The following DNAH7 variants were observed in gnomAD, a reference collection of about 807,000 sequenced individuals.
DNAH7 encodes the protein dynein axonemal heavy chain 7.
In DNAH7, 397 loss-of-function variants were observed where a neutral mutation model predicts 444.6. That is an observed-to-expected ratio of 0.89 (90% confidence interval 0.82 to 0.97). DNAH7 has a LOEUF of 0.97. Ranked by LOEUF, DNAH7 falls within the 50% of genes least tolerant of loss-of-function variation. The probability of loss-of-function intolerance (pLI) is 0.00; values close to 1 mark genes in which losing one functional copy is unlikely to be tolerated. For missense variants in DNAH7, 4,902 were observed against 4,800.8 expected, an observed-to-expected ratio of 1.02 and a Z score of -0.62; for synonymous variants, 1,636 against 1,624.4, an observed-to-expected ratio of 1.01 and a Z score of -0.17.
chr2:195,880,964 A>G (rs956085970), intron 36 of DNAH7, among the ~76,000 whole-genome samples: 1 of 151,660 alleles, frequency 6.6e-6, no homozygotes, highest in Admixed American at 6.6e-5. Context: ...GATATCTTAG[A>G]TAAATCTCTC....
chr2:195,813,187 A>G (rs937239153), intron 51 of DNAH7, among the ~76,000 whole-genome samples: 20 of 152,218 alleles, frequency 1.3e-4, no homozygotes, highest in African/African-American at 4.6e-4. Flanking sequence ...TATCCTCAAC[A>G]GTAGAATGGA....
intron 54 of DNAH7, among the ~76,000 whole-genome samples, chr2:195,805,373 G>A (rs983313522): frequency 2.6e-5 from 4 of 152,042 alleles, no homozygotes; most frequent in African/African-American, 7.2e-5. Flanking sequence ...TGTTTTAGAG[G>A]AGGAAGCCAC....
chr2:196,036,514 C>G (rs1696401546), intron 5 of DNAH7, among the ~76,000 whole-genome samples: 1 of 152,164 alleles, frequency 6.6e-6, no homozygotes, highest in Admixed American at 6.5e-5. Flanking sequence ...GTATTGGGAA[C>G]CAAAGTGTGT....
At chr2:195,787,897 C>G (rs1446906241) in intron 57 of DNAH7, among the ~76,000 whole-genome samples, 1 of 152,022 alleles carries the variant, frequency 6.6e-6, no homozygotes, top group South Asian at 2.1e-4. Context: ...AGAATGGGAG[C>G]TGGGGGTCAT....
At chr2:195,800,154 AT>A (rs1316505254) in intron 54 of DNAH7, among the ~76,000 whole-genome samples, 1 of 152,128 alleles carries the variant, frequency 6.6e-6, no homozygotes, top group East Asian at 1.9e-4. Flanking sequence ...ACACCAAGCC[AT>A]TTATAAGGGA....
chr2:195,923,737 A>T lies in DNAH7; in HGVS notation c.3683T>A (p.Leu1228Ter). The change falls in exon 23 of 65, where the codon TTG becomes TAG. Residue 1228 changes from leucine (L) to a stop codon, truncating the protein, a stop_gained. Coordinates refer to ENST00000312428, the MANE Select transcript of DNAH7 (RefSeq NM_018897.3). LOFTEE classifies it high-confidence loss of function. ...CAGAGTTACGCGATTCTGCATGGAC[A>T]ATTTGCCACGCACCAAAGTGACAAT... ...DDIVTLVRGK[L>*]SMQNRVTLGA... 6.2e-7 allele frequency: 1 copy of T among 1,614,150 alleles called. No homozygotes were observed. The highest frequency in any genetic ancestry group is 8.5e-7 in the Non-Finnish European group (1 of 1,180,020).
intron 46 of DNAH7, among the ~76,000 whole-genome samples, chr2:195,845,460 A>C (rs1314719522): frequency 6.6e-6 from 1 of 152,232 alleles, no homozygotes; most frequent in East Asian, 1.9e-4. Flanking sequence ...TTCATTTTCA[A>C]GGCTACTCCT....
intron 12 of DNAH7, chr2:195,999,031 G>A (rs1170778952): frequency 1.4e-6 from 1 of 701,188 alleles, no homozygotes; most frequent in Non-Finnish European, 2.7e-6. Flanking sequence ...TTCCGGCAAG[G>A]TGGATGCATG....
intron 47 of DNAH7, among the ~76,000 whole-genome samples, chr2:195,844,393 C>T (rs559023784): frequency 1.3e-5 from 2 of 152,264 alleles, no homozygotes; most frequent in South Asian, 2.1e-4. Flanking sequence ...GGAAATAATA[C>T]AAGATTGTCC....
At chr2:195,920,640 C>G (rs1687965069) in intron 24 of DNAH7, among the ~76,000 whole-genome samples, 1 of 152,142 alleles carries the variant, frequency 6.6e-6, no homozygotes, top group Admixed American at 6.5e-5. Context: ...TGGAAAAATC[C>G]TTCTAGACAT....
At chr2:195,845,649 A>G (rs151274265) in intron 46 of DNAH7, among the ~76,000 whole-genome samples, 51 of 152,344 alleles carry the variant, frequency 3.3e-4, no homozygotes, top group African/African-American at 1.2e-3. Flanking sequence ...ACAGCATGAT[A>G]CTGGTGCAAA....
chr2:195,834,376 A>G lies in DNAH7; in HGVS notation c.8946-16T>C, dbSNP rs1698226467. ...TCTTGCATTCCTGAAAAGGAGGAGA[A>G]AGACGATGCTGGTCAAGCCATGATT... On this transcript the variant is annotated splice_polypyrimidine_tract_variant and intron_variant, in intron 47 of 64. Coordinates refer to ENST00000312428, the MANE Select transcript of DNAH7 (RefSeq NM_018897.3). 6.3e-7 allele frequency: 1 copy of G among 1,582,214 alleles called. No individual in the cohort carries two copies. Among genetic ancestry groups the G allele is most frequent in the Admixed American group, 1.7e-5 (1 of 59,392 alleles).
In DNAH7 at chr2:195,809,768, T is replaced by C; in HGVS notation, c.9865A>G (p.Asn3289Asp). The change falls in exon 52 of 65, where the codon AAT becomes GAT. Residue 3289 changes from asparagine to aspartate, a missense_variant. Asn to Asp is a conservative substitution (Grantham distance 23). Coordinates refer to ENST00000312428, the MANE Select transcript of DNAH7 (RefSeq NM_018897.3). ...KLLFSFCLTI[N>D]LLLHERAINK... Reference sequence around the variant, plus strand: ...ACCGCCCGCTCATGCAGCAGTAGATTTATGGTTAGACAAAAGGAAAAGAGC... The same window carrying C: ...ACCGCCCGCTCATGCAGCAGTAGATCTATGGTTAGACAAAAGGAAAAGAGC... 2 of 1,597,314 alleles carry C rather than the reference T, an allele frequency of 1.3e-6. No individual in the cohort carries two copies. Among genetic ancestry groups the C allele is most frequent in the Non-Finnish European group, 8.5e-7 (1 of 1,171,412 alleles).
intron 36 of DNAH7, among the ~76,000 whole-genome samples, chr2:195,877,822 C>A (rs911112850): frequency 1.3e-5 from 2 of 152,144 alleles, no homozygotes; most frequent in African/African-American, 4.8e-5. Flanking sequence ...AATTATTTTC[C>A]TTTCACAGAA....
chr2:195,856,532 T>G (rs1196083984), intron 44 of DNAH7, among the ~76,000 whole-genome samples: 1 of 152,194 alleles, frequency 6.6e-6, no homozygotes, highest in Non-Finnish European at 1.5e-5. Flanking sequence ...ACTAATATCA[T>G]GGTCTGAAAC....
intron 9 of DNAH7, among the ~76,000 whole-genome samples, chr2:196,018,423 C>T (rs1347537832): frequency 6.6e-6 from 1 of 152,018 alleles, no homozygotes; most frequent in Non-Finnish European, 1.5e-5. Context: ...TTTTGTGAAT[C>T]TATCCCATGT....
chr2:195,786,993 T>C lies in DNAH7; in HGVS notation c.10878+17A>G. 1.3e-6 allele frequency: 2 copies of C among 1,553,678 alleles called. No individual in the cohort carries two copies. Among genetic ancestry groups the C allele is most frequent in the African/African-American group, 1.4e-5 (1 of 72,446 alleles). ...AGAGCAACATAGGTAATGTCCTTGCTGTGATTTTTATGATACCTCATACTG... is the reference window on the plus strand; with the variant it reads ...AGAGCAACATAGGTAATGTCCTTGCCGTGATTTTTATGATACCTCATACTG... On this transcript the variant is annotated intron_variant, in intron 58 of 64. Coordinates refer to ENST00000312428, the MANE Select transcript of DNAH7 (RefSeq NM_018897.3).
In DNAH7 at chr2:195,957,463, C is replaced by A; in HGVS notation, c.2892-16G>T. ...CTCCCATTCTCTGAGGAGCAAAACA[C>A]AGTGGCTCTTACTGACAGCAAACCA... On this transcript the variant is annotated splice_polypyrimidine_tract_variant and intron_variant, in intron 18 of 64. Transcript: ENST00000312428. The A allele has an allele frequency of 6.7e-7, 1 of 1,499,266 alleles. No individual in the cohort carries two copies. The highest frequency in any genetic ancestry group is 9.0e-7 in the Non-Finnish European group (1 of 1,111,974). 92.9% of individuals were successfully genotyped at this position (1,499,266 alleles called of 1,614,324 possible). A position where few individuals can be genotyped will look rare whatever the true frequency, so the allele number is the denominator to read the frequency against.
At chr2:195,850,853 T>C (rs1171461862) in intron 46 of DNAH7, among the ~76,000 whole-genome samples, 1 of 152,158 alleles carries the variant, frequency 6.6e-6, no homozygotes, top group African/African-American at 2.4e-5. Context: ...GCCTAAGTTC[T>C]GCAGCAGGTG....
Sources: gnomAD v4.1 joint callset for allele counts (sites outside exome capture counted in the v4.1 genomes callset) on GRCh38, gnomAD v4.1.1 for gene constraint, MANE v1.5 for transcripts, NCBI Gene and HGNC (gene_info 2026-07-23, HGNC 2026-07-21) for gene names.